The following MAP3K5 variants were observed in gnomAD, a reference collection of about 807,000 sequenced individuals.
MAP3K5 encodes ASK-1.
In MAP3K5, 56 loss-of-function variants were observed where a neutral mutation model predicts 158.7. The observed-to-expected ratio is 0.35, with a 90% CI of 0.28 to 0.44. The LOEUF (loss-of-function observed/expected upper bound fraction) is 0.44. Among genes scored for constraint, MAP3K5 ranks in the 20% least tolerant of loss-of-function variants. The pLI is 1.00. For missense variants in MAP3K5, 1,294 were observed against 1,674.8 expected (o/e 0.77, Z 3.97); for synonymous variants, 579 against 601.7 (o/e 0.96, Z 0.55).
At chr6:136,599,397 G>A (rs536380602) in intron 21 of MAP3K5, among the ~76,000 whole-genome samples, 26 of 152,210 alleles carry the variant, frequency 1.7e-4, no homozygotes, top group African/African-American at 6.0e-4. Context: ...CTAGAGTTCA[G>A]CAGGTTTACA....
intron 6 of MAP3K5, 56 bp from the exon 7 acceptor site, chr6:136,694,366 T>C: frequency 7.2e-7 from 1 of 1,394,504 alleles, no homozygotes; most frequent in African/African-American, 1.4e-5. Flanking sequence ...TATAGATCAA[T>C]TCTTTTTTAA....
At chr6:136,679,858 A>G (rs980456684) in intron 7 of MAP3K5, among the ~76,000 whole-genome samples, 2 of 152,236 alleles carry the variant, frequency 1.3e-5, no homozygotes, top group Non-Finnish European at 2.9e-5. Flanking sequence ...CCAATGTTTA[A>G]AGTAGCATCA....
intron 15 of MAP3K5, among the ~76,000 whole-genome samples, chr6:136,619,679 C>T (rs563037986): frequency 2.0e-5 from 3 of 152,248 alleles, no homozygotes; most frequent in South Asian, 2.1e-4. Flanking sequence ...GAGGAAAGAG[C>T]GAAAGCAGAG....
At chr6:136,600,995 C>A (rs200244559) in intron 21 of MAP3K5, 27 bp downstream of exon 21, 1 of 1,613,154 alleles carries the variant, frequency 6.2e-7, no homozygotes, top group Admixed American at 1.7e-5. Context: ...GGTCTCAGCT[C>A]AATGGGCAAA....
chr6:136,572,580 T>C (rs1562514708), intron 25 of MAP3K5, among the ~76,000 whole-genome samples: 3 of 152,260 alleles, frequency 2.0e-5, no homozygotes, highest in Admixed American at 6.5e-5. Flanking sequence ...TTTGTAGTCC[T>C]GTTGACTATA....
intron 27 of MAP3K5, 30 bp downstream of exon 27, chr6:136,562,473 A>G (rs1830556656): frequency 1.7e-6 from 2 of 1,161,004 alleles, no homozygotes; most frequent in Non-Finnish European, 2.4e-6. Context: ...CTGGCTGAAC[A>G]GTATTACTAT....
chr6:136,788,320 G>C (rs1475791748), intron 1 of MAP3K5, among the ~76,000 whole-genome samples: 1 of 152,270 alleles, frequency 6.6e-6, no homozygotes, highest in African/African-American at 2.4e-5. Context: ...CAAACCATAA[G>C]AGTCCTAGAA....
intron 2 of MAP3K5, among the ~76,000 whole-genome samples, chr6:136,716,381 C>T (rs1218084652): frequency 6.6e-6 from 1 of 152,100 alleles, no homozygotes; most frequent in Non-Finnish European, 1.5e-5. Flanking sequence ...CATGTTTCAT[C>T]CTGTTGTTTT....
rs1342887158 is a variant in MAP3K5 at position 136,659,398 on chromosome 6, T to C, written c.1367-20A>G. The C allele has an allele frequency of 3.1e-6, 5 of 1,611,908 alleles. No individual in the cohort carries two copies. Among genetic ancestry groups the C allele is most frequent in the East Asian group, 2.2e-5 (1 of 44,874 alleles). On this transcript the variant is annotated intron_variant, in intron 8 of 29. Coordinates refer to ENST00000359015, the MANE Select transcript of MAP3K5 (RefSeq NM_005923.4). Reference sequence around the variant, plus strand: ...TCACCCCTAGAATACAAACAGGAAGTAGAATGTTACAAATGCACCCCACAC... The same window carrying C: ...TCACCCCTAGAATACAAACAGGAAGCAGAATGTTACAAATGCACCCCACAC...
chr6:136,666,121 T>C (rs1583378884), intron 8 of MAP3K5, among the ~76,000 whole-genome samples: 2 of 152,334 alleles, frequency 1.3e-5, no homozygotes, highest in African/African-American at 4.8e-5. Flanking sequence ...AGATGTAGGA[T>C]ATGGCTCTGT....
intron 8 of MAP3K5, among the ~76,000 whole-genome samples, chr6:136,665,581 G>C (rs1035894594): frequency 1.3e-5 from 2 of 151,988 alleles, no homozygotes; most frequent in Non-Finnish European, 2.9e-5. Context: ...CCTGACCTCA[G>C]GTAATCCACC....
At chr6:136,670,161 T>C (rs1779421213) in intron 7 of MAP3K5, among the ~76,000 whole-genome samples, 1 of 152,146 alleles carries the variant, frequency 6.6e-6, no homozygotes, top group Admixed American at 6.5e-5. Context: ...TTTCTGAATA[T>C]GCATAAAACC....
intron 7 of MAP3K5, among the ~76,000 whole-genome samples, chr6:136,690,721 T>C (rs1780348597): frequency 1.3e-5 from 2 of 152,212 alleles, no homozygotes; most frequent in African/African-American, 4.8e-5. Flanking sequence ...ATATCCTATA[T>C]TGGTTACATG....
intron 14 of MAP3K5, among the ~76,000 whole-genome samples, chr6:136,631,589 T>C (rs1387098503): frequency 6.6e-6 from 1 of 151,754 alleles, no homozygotes; most frequent in Admixed American, 6.6e-5. Flanking sequence ...CCTAGCTCAC[T>C]GCAGCCTTGA....
At chr6:136,704,347 C>T (rs1487940943) in intron 3 of MAP3K5, among the ~76,000 whole-genome samples, 1 of 152,064 alleles carries the variant, frequency 6.6e-6, no homozygotes, top group Non-Finnish European at 1.5e-5. Flanking sequence ...ATCAAGGCTT[C>T]ACTGAGGTTG....
chr6:136,776,178 C>T (rs1268959608), intron 1 of MAP3K5, among the ~76,000 whole-genome samples: 2 of 152,158 alleles, frequency 1.3e-5, no homozygotes, highest in African/African-American at 4.8e-5. Flanking sequence ...AGTGTATACA[C>T]GATTCGTCTA....
intron 11 of MAP3K5, among the ~76,000 whole-genome samples, chr6:136,645,445 C>T (rs1778205438): frequency 6.6e-6 from 1 of 152,120 alleles, no homozygotes; most frequent in East Asian, 1.9e-4. Flanking sequence ...ACTTAGTCCT[C>T]CACTAGGCCC....
intron 23 of MAP3K5, among the ~76,000 whole-genome samples, chr6:136,591,924 T>TG (rs1407406159): frequency 3.9e-5 from 6 of 152,210 alleles, no homozygotes; most frequent in Non-Finnish European, 8.8e-5. Flanking sequence ...GTCACCAATG[T>TG]GAAAAATTTG....
At chr6:136,776,035 G>A (rs1319203758) in intron 1 of MAP3K5, among the ~76,000 whole-genome samples, 1 of 152,220 alleles carries the variant, frequency 6.6e-6, no homozygotes, top group Non-Finnish European at 1.5e-5. Context: ...ACTAAGTGGA[G>A]AGTCCTGAGT....
Sources: gnomAD v4.1 joint callset for allele counts (sites outside exome capture counted in the v4.1 genomes callset) on GRCh38, gnomAD v4.1.1 for gene constraint, MANE v1.5 for transcripts, NCBI Gene and HGNC (gene_info 2026-07-23, HGNC 2026-07-21) for gene names.